Variants in PTK2 observed in about 807,000 individuals in gnomAD.
PTK2 encodes the protein protein tyrosine kinase 2.
PTK2 carries 45 observed loss-of-function variants against 150.1 expected under a neutral mutation model. That is an observed-to-expected ratio of 0.30 (90% CI 0.24 to 0.38). The LOEUF is 0.38. Ranked by LOEUF, PTK2 falls within the 10% of genes least tolerant of loss-of-function variation. The probability of loss-of-function intolerance (pLI) is 1.00; values close to 1 mark genes in which losing one functional copy is unlikely to be tolerated. For missense variants in PTK2, 919 were observed against 1,307.3 expected (o/e 0.70, Z 4.58); for synonymous variants, 432 against 449.2 (o/e 0.96, Z 0.48).
At chr8:140,715,117 T>A (rs922247446) in intron 23 of PTK2, among the ~76,000 whole-genome samples, 1 of 150,734 alleles carries the variant, frequency 6.6e-6, no homozygotes, top group Non-Finnish European at 1.5e-5. Flanking sequence ...CATCTGTATA[T>A]CTATGCTACT....
At chr8:140,685,925 A>G (rs1564350996) in intron 27 of PTK2, among the ~76,000 whole-genome samples, 1 of 152,228 alleles carries the variant, frequency 6.6e-6, no homozygotes, top group Non-Finnish European at 1.5e-5. Context: ...CCATAAAGAC[A>G]CATGCATGCT....
chr8:141,000,857 C>A, intron 1 of PTK2: 1 of 151,346 alleles, frequency 6.6e-6, no homozygotes, highest in Non-Finnish European at 1.5e-5. Context: ...CCCGAACCCC[C>A]GCCTCCCAGC....
chr8:140,747,949 A>C (rs571515804), intron 17 of PTK2, among the ~76,000 whole-genome samples: 1 of 152,226 alleles, frequency 6.6e-6, no homozygotes, highest in Admixed American at 6.5e-5. Flanking sequence ...CTTTACAGTA[A>C]AAATCACTCC....
intron 26 of PTK2, among the ~76,000 whole-genome samples, chr8:140,695,947 A>G (rs1175969162): frequency 6.6e-6 from 1 of 152,176 alleles, no homozygotes; most frequent in Non-Finnish European, 1.5e-5. Context: ...AATAATTATA[A>G]TATCTACTTC....
intron 1 of PTK2, chr8:140,948,529 T>C (rs1203906276): frequency 6.6e-6 from 1 of 152,168 alleles, no homozygotes; most frequent in African/African-American, 2.4e-5. Context: ...AAAATACACA[T>C]ATCAACTATT....
chr8:140,863,860 A>G (rs1045025446), intron 5 of PTK2, among the ~76,000 whole-genome samples: 1 of 152,194 alleles, frequency 6.6e-6, no homozygotes, highest in African/African-American at 2.4e-5. Flanking sequence ...TAATGACAAA[A>G]TTATATGTAC....
intron 1 of PTK2, among the ~76,000 whole-genome samples, chr8:140,943,933 C>A (rs748272997): frequency 2.0e-5 from 3 of 152,092 alleles, no homozygotes; most frequent in Admixed American, 6.6e-5. Flanking sequence ...TTTATTGAGA[C>A]ACCTATCTTT....
intron 2 of PTK2, chr8:140,921,008 A>C: frequency 7.7e-7 from 1 of 1,302,342 alleles, no homozygotes; most frequent in Middle Eastern, 2.0e-4. Flanking sequence ...AGCAAGACTA[A>C]GGTTCCCCTG....
intron 8 of PTK2, chr8:140,821,835 T>G (rs778424524): frequency 6.6e-6 from 1 of 152,216 alleles, no homozygotes; most frequent in African/African-American, 2.4e-5. Context: ...GAACTTAAAC[T>G]GAAGAGCAAT....
intron 20 of PTK2, among the ~76,000 whole-genome samples, chr8:140,740,291 G>A (rs1335368458): frequency 6.6e-6 from 1 of 152,196 alleles, no homozygotes; most frequent in Admixed American, 6.5e-5. Context: ...CCTGAAAGTA[G>A]AGAGGAACTA....
chr8:140,701,776 A>G (rs1233727518), intron 25 of PTK2, among the ~76,000 whole-genome samples: 1 of 152,168 alleles, frequency 6.6e-6, no homozygotes, highest in Non-Finnish European at 1.5e-5. Flanking sequence ...AGTTAAAAAA[A>G]GTTCATTAAA....
exon 29 of PTK2, chr8:140,674,332 C>G: frequency 6.2e-7 from 1 of 1,607,926 alleles, no homozygotes. Flanking sequence ...AGCAGGGCTG[C>G]TGAGGCTGGC....
At chr8:140,834,248 C>T (rs2100117310) in intron 7 of PTK2, among the ~76,000 whole-genome samples, 1 of 152,142 alleles carries the variant, frequency 6.6e-6, no homozygotes. Flanking sequence ...GGGTGAAATG[C>T]ATGAGCACTG....
intron 1 of PTK2, among the ~76,000 whole-genome samples, chr8:140,935,111 AGG>A (rs2100173168): frequency 6.6e-6 from 1 of 152,224 alleles, no homozygotes; most frequent in South Asian, 2.1e-4. Context: ...CATTAAAGAA[AGG>A]GGGAGATAGG....
chr8:140,817,363 T>C (rs1316776776), intron 10 of PTK2, among the ~76,000 whole-genome samples: 1 of 152,190 alleles, frequency 6.6e-6, no homozygotes, highest in African/African-American at 2.4e-5. Context: ...AGACACGGTT[T>C]GGCACATTTA....
chr8:140,724,067 A>G (rs557735932), intron 22 of PTK2, among the ~76,000 whole-genome samples: 51 of 152,348 alleles, frequency 3.3e-4, no homozygotes, highest in African/African-American at 1.1e-3. Context: ...GGCAATTTTC[A>G]GAAGTAGAAA....
intron 7 of PTK2, among the ~76,000 whole-genome samples, chr8:140,845,944 A>G (rs1044801259): frequency 2.6e-5 from 4 of 152,204 alleles, no homozygotes; most frequent in African/African-American, 7.2e-5. Context: ...TACAGAGAAC[A>G]TGAATAATAA....
intron 4 of PTK2, among the ~76,000 whole-genome samples, chr8:140,876,496 T>A (rs1299207812): frequency 6.6e-6 from 1 of 151,376 alleles, no homozygotes; most frequent in Admixed American, 6.6e-5. Context: ...ATTAATACAA[T>A]CTGCCAATGC....
At chr8:140,754,873 T>TA (rs746370564) in intron 16 of PTK2, among the ~76,000 whole-genome samples, 65 of 152,164 alleles carry the variant, frequency 4.3e-4, no homozygotes, top group Non-Finnish European at 8.2e-4. Flanking sequence ...TCAAAGTAAG[T>TA]AAGACCAGAA....
Sources: allele counts gnomAD v4.1 joint callset (sites outside exome capture counted in the v4.1 genomes callset), GRCh38; gene constraint gnomAD v4.1.1; transcripts MANE v1.5; gene names NCBI Gene and HGNC (gene_info 2026-07-23, HGNC 2026-07-21).